Variants in TIAM2 observed in about 807,000 individuals in gnomAD.
TIAM2 encodes the protein rho guanine nucleotide exchange factor TIAM2.
In TIAM2, 80 loss-of-function variants were observed where a neutral mutation model predicts 152.9. That is an observed-to-expected ratio of 0.52 (90% CI 0.44 to 0.63). The LOEUF is 0.63. Among genes scored for constraint, TIAM2 ranks in the 30% least tolerant of loss-of-function variants. TIAM2 has a pLI of 0.00. For synonymous variants in TIAM2, 804 were observed against 838.0 expected (o/e 0.96, Z 0.70); for missense variants, 1,965 against 2,120.1 (o/e 0.93, Z 1.44).
chr6:155,032,544 G>T lies in TIAM2; in HGVS notation c.-209+37052G>T, dbSNP rs373399330. 1.3e-3 allele frequency among the ~76,000 whole-genome samples: 193 copies of T among 152,108 alleles called. 4 individuals are homozygous for T. Among genetic ancestry groups the T allele is most frequent in the African/African-American group, 4.4e-3 (184 of 41,532 alleles). On this transcript the variant is annotated intron_variant, in intron 1 of 26. Coordinates refer to ENST00000682666, the MANE Select transcript of TIAM2 (RefSeq NM_012454.4). Reference sequence around the variant, plus strand: ...CCCTCTTTAGGCTGCAGGGATTTTTGTTTTTTTCTTTTTTGAGACAGAGTA... The same window carrying T: ...CCCTCTTTAGGCTGCAGGGATTTTTTTTTTTTTCTTTTTTGAGACAGAGTA...
At chr6:155,029,583 A>G (rs1484228802) in intron 1 of TIAM2, among the ~76,000 whole-genome samples, 1 of 88,536 alleles carries the variant, frequency 1.1e-5, no homozygotes, top group African/African-American at 5.1e-5. Context: ...AGTATATATA[A>G]CTATATAGTA....
intron 15 of TIAM2, among the ~76,000 whole-genome samples, chr6:155,220,023 C>G (rs1348925671): frequency 1.3e-5 from 2 of 152,246 alleles, no homozygotes; most frequent in Non-Finnish European, 2.9e-5. Flanking sequence ...AAGAAACTTG[C>G]TGGTGACCTT....
Position 155,142,123 on chromosome 6 carries a change from G to A in TIAM2, c.1631-2483G>A, listed in dbSNP as rs558320713. ...GGCAGGGTTGGGGGCCCCCAGCACCGGGGTGAATGGCAGAGGCTTCACTGA... is the reference window on the plus strand; with the variant it reads ...GGCAGGGTTGGGGGCCCCCAGCACCAGGGTGAATGGCAGAGGCTTCACTGA... On this transcript the variant is annotated intron_variant, in intron 5 of 26. Coordinates refer to ENST00000682666, the MANE Select transcript of TIAM2 (RefSeq NM_012454.4). Among the ~76,000 whole-genome samples the A allele has an allele frequency of 5.1e-4, 78 of 152,234 alleles. 1 individual carries two copies. The highest frequency in any genetic ancestry group is 7.8e-4 in the East Asian group (4 of 5,146).
chr6:155,146,898 G>A lies in TIAM2; in HGVS notation c.1804-1212G>A, dbSNP rs189028396. Among the ~76,000 whole-genome samples, 218 of 151,636 alleles carry A rather than the reference G, an allele frequency of 1.4e-3. 1 individual carries two copies. The highest frequency in any genetic ancestry group is 5.1e-3 in the African/African-American group (210 of 41,270). On this transcript the variant is annotated intron_variant, in intron 6 of 26. Transcript: ENST00000682666. ...CCTTCCAAAGAGTGCTAGGATTATA[G>A]GCGTGAGCCACCACGCCTGTCCTAT...
At chr6:155,061,266 T>G (rs929678410) in intron 1 of TIAM2, among the ~76,000 whole-genome samples, 13 of 151,602 alleles carry the variant, frequency 8.6e-5, no homozygotes, top group African/African-American at 3.2e-4. Flanking sequence ...GACTTTATAT[T>G]TCTGTATCTA....
chr6:155,075,289 T>G (rs17798545), intron 1 of TIAM2, among the ~76,000 whole-genome samples: 4,050 of 152,218 alleles, frequency 0.027, 184 homozygotes, highest in Admixed American at 0.13. Context: ...TATGGTCTGT[T>G]GTAGCTAGAT....
At chr6:155,015,749 C>A (rs960618398) in intron 1 of TIAM2, among the ~76,000 whole-genome samples, 2 of 151,770 alleles carry the variant, frequency 1.3e-5, no homozygotes, top group Non-Finnish European at 2.9e-5. Flanking sequence ...CCAGCCTGGC[C>A]AACATGGTGA....
intron 7 of TIAM2, among the ~76,000 whole-genome samples, chr6:155,151,805 A>C (rs892065261): frequency 4.0e-5 from 6 of 148,614 alleles, no homozygotes; most frequent in Non-Finnish European, 6.0e-5. Context: ...CAGGGTACAT[A>C]ATTTTCTGTA....
rs1035837425 is a variant in TIAM2 at position 155,127,564 on chromosome 6, A to G, written c.-43A>G. ...TCCCAAGACCATGTAAAGCCTACTG[A>G]CCACTAACCTCCCTCACAGCAGAAA... On this transcript the variant is annotated 5_prime_UTR_variant, in exon 3 of 27. It removes the in-frame stop codon of an upstream open reading frame in the 5' UTR. Transcript: ENST00000682666. 2.9e-5 allele frequency: 13 copies of G among 455,842 alleles called. No individual in the cohort carries two copies. Among genetic ancestry groups the G allele is most frequent in the Non-Finnish European group, 5.7e-5 (13 of 226,778 alleles). 28.2% of individuals were successfully genotyped at this position (455,842 alleles called of 1,614,324 possible).
At chr6:155,172,653 TATATATATATATATATATATATA>T (rs1780617150) in intron 9 of TIAM2, among the ~76,000 whole-genome samples, 19 of 15,100 alleles carry the variant, frequency 1.3e-3, no homozygotes, top group Non-Finnish European at 2.1e-3. Flanking sequence ...TATATATATA[TATATATATATATATATATATATA>T]TATATATATA....
chr6:155,011,665 C>A (rs1473331511), intron 1 of TIAM2, among the ~76,000 whole-genome samples: 1 of 152,172 alleles, frequency 6.6e-6, no homozygotes, highest in Non-Finnish European at 1.5e-5. Flanking sequence ...AGTTTTTATA[C>A]CTCATCTGGC....
intron 15 of TIAM2, among the ~76,000 whole-genome samples, chr6:155,221,149 A>C (rs76522012): frequency 3.3e-4 from 49 of 150,716 alleles, no homozygotes; most frequent in Non-Finnish European, 3.4e-4. Flanking sequence ...ACAAAAAAAA[A>C]CACAAGTTAT....
chr6:155,251,918 ACTTT>A (rs3831214), intron 22 of TIAM2, 23 bp from the exon 23 acceptor site: 41 of 1,566,262 alleles, frequency 2.6e-5, no homozygotes, highest in Non-Finnish European at 3.3e-5. Flanking sequence ...TAAAATAAAG[ACTTT>A]CTTTCTCTTT....
chr6:155,029,196 GTATGTACTATGTGTTATATACACTA>G (rs1776732043), intron 1 of TIAM2, among the ~76,000 whole-genome samples: 28 of 14,012 alleles, frequency 2.0e-3, no homozygotes, highest in African/African-American at 4.9e-3. Flanking sequence ...TATATACACT[GTATGTACTATGTGTTATATACACTA>G]TATGTACTAT....
At chr6:155,211,622 C>G (rs1362677621) in intron 15 of TIAM2, among the ~76,000 whole-genome samples, 1 of 151,236 alleles carries the variant, frequency 6.6e-6, no homozygotes, top group Non-Finnish European at 1.5e-5. Flanking sequence ...AAAACCTTGT[C>G]AAAAGGTGTT....
At chr6:155,200,767 G>A (rs539983318) in intron 14 of TIAM2, among the ~76,000 whole-genome samples, 1 of 152,224 alleles carries the variant, frequency 6.6e-6, no homozygotes, top group South Asian at 2.1e-4. Flanking sequence ...GCTGGGCATG[G>A]TGGCGCACAC....
chr6:155,016,786 G>GC (rs142607456), intron 1 of TIAM2, among the ~76,000 whole-genome samples: 55,904 of 151,930 alleles, frequency 0.37, 12,895 homozygotes, highest in African/African-American at 0.65. Context: ...TGTAATCCCA[G>GC]CTACTCGGGA....
intron 2 of TIAM2, among the ~76,000 whole-genome samples, chr6:155,117,120 A>ATTTTTTTTTTTTTTTTTTTGAGACGG (rs1554231601): frequency 6.6e-6 from 1 of 151,554 alleles, no homozygotes; most frequent in Non-Finnish European, 1.5e-5. Context: ...AATAATTTCT[A>ATTTTTTTTTTTTTTTTTTTGAGACGG]AAAGAAAAAT....
chr6:155,067,643 T>C (rs1323549400), intron 1 of TIAM2, among the ~76,000 whole-genome samples: 1 of 64,814 alleles, frequency 1.5e-5, no homozygotes, highest in Non-Finnish European at 4.7e-5. Context: ...ATGATGATGT[T>C]GATGATGATG....
Sources: allele counts gnomAD v4.1 joint callset (sites outside exome capture counted in the v4.1 genomes callset), GRCh38; gene constraint gnomAD v4.1.1; transcripts MANE v1.5; gene names NCBI Gene and HGNC (gene_info 2026-07-23, HGNC 2026-07-21).